The following SMAD1 variants were observed in gnomAD, a reference collection of about 807,000 sequenced individuals.
SMAD1 encodes the protein SMAD family member 1, also known as MAD, mothers against decapentaplegic homolog 1.
Under a neutral mutation model 41.6 loss-of-function variants are expected in SMAD1, and 6 were observed. That is an observed-to-expected ratio of 0.14 (90% CI 0.08 to 0.28). The LOEUF is 0.28. Among genes scored for constraint, SMAD1 ranks in the 10% least tolerant of loss-of-function variants. The pLI, the probability that SMAD1 is intolerant of heterozygous loss-of-function variation, is 1.00. For missense variants in SMAD1, 379 were observed against 582.6 expected (o/e 0.65, Z 3.60); for synonymous variants, 206 against 203.2 (o/e 1.01, Z -0.12).
At position 145,514,703 on chromosome 4, in the gene SMAD1, A is replaced by G. The variant is rs1730274465; in HGVS notation, c.90A>G (p.Ala30=). 6.2e-7 allele frequency: 1 copy of G among 1,614,176 alleles called. No individual in the cohort carries two copies. The highest frequency in any genetic ancestry group is 8.5e-7 in the Non-Finnish European group (1 of 1,180,018). ...WKQGDEEEKW[A]EKAVDALVKK... is the part of the protein sequence containing the mutation. ...AGGGCGATGAAGAAGAAAAATGGGC[A>G]GAGAAAGCTGTTGATGCTTTGGTGA... Residue 30 remains alanine, a synonymous_variant, in exon 2 of 7, where the codon GCA becomes GCG. Coordinates refer to ENST00000302085, the MANE Select transcript of SMAD1 (RefSeq NM_005900.3). The surrounding 1 kb of genome is among the most constrained non-coding windows in gnomAD (Gnocchi z 4.7).
chr4:145,498,490 G>C (rs1217679526), intron 1 of SMAD1, among the ~76,000 whole-genome samples: 2 of 152,036 alleles, frequency 1.3e-5, no homozygotes, highest in African/African-American at 2.4e-5. Context: ...CTTACCTACT[G>C]TCAGTTTTTA....
chr4:145,522,568 C>T (rs1323069772), intron 2 of SMAD1, among the ~76,000 whole-genome samples: 1 of 152,102 alleles, frequency 6.6e-6, no homozygotes, highest in Non-Finnish European at 1.5e-5. Flanking sequence ...CATTGCACTT[C>T]AGCCTGGGCA....
intron 4 of SMAD1, among the ~76,000 whole-genome samples, chr4:145,543,197 C>T (rs1732051649): frequency 6.6e-5 from 10 of 152,172 alleles, no homozygotes; most frequent in Admixed American, 6.5e-4. Context: ...GAATTCCTGA[C>T]CTCAGGTGAT....
Position 145,523,636 on chromosome 4 carries a change from G to A in SMAD1, c.400+8623G>A, listed in dbSNP as rs369058966. On this transcript the variant is annotated intron_variant, in intron 2 of 6. Coordinates refer to ENST00000302085, the MANE Select transcript of SMAD1 (RefSeq NM_005900.3). Reference sequence around the variant, plus strand: ...TGTAATCCTAGTTTGCATGTTTCTCGTAATAGTTTTGGTGTAGGGGAGAGG... The same window carrying A: ...TGTAATCCTAGTTTGCATGTTTCTCATAATAGTTTTGGTGTAGGGGAGAGG... Among the ~76,000 whole-genome samples the A allele has an allele frequency of 2.6e-4, 40 of 152,186 alleles. 1 individual carries two copies. Among genetic ancestry groups the A allele is most frequent in the Middle Eastern group, 6.8e-3 (2 of 294 alleles).
intron 1 of SMAD1, among the ~76,000 whole-genome samples, chr4:145,510,923 A>G (rs967766836): frequency 1.3e-5 from 2 of 152,194 alleles, no homozygotes; most frequent in Admixed American, 1.3e-4. Flanking sequence ...GGCTCAACTC[A>G]TCACTATAAA....
At position 145,514,515 on chromosome 4, in the gene SMAD1, A is replaced by G. The variant is rs1379292927; in HGVS notation, c.-99A>G. ...TGGACTTCAAACTAAGAAGTTAAAG[A>G]GACTTCTCTGTAAATAAACAAATCT... On this transcript the variant is annotated 5_prime_UTR_variant, in exon 2 of 7. Coordinates refer to ENST00000302085, the MANE Select transcript of SMAD1 (RefSeq NM_005900.3). The surrounding 1 kb of genome is among the most constrained non-coding windows in gnomAD (Gnocchi z 4.7). 1 of 1,178,854 alleles carries G rather than the reference A, an allele frequency of 8.5e-7. No homozygotes were observed. 73.0% of individuals were successfully genotyped at this position (1,178,854 alleles called of 1,614,324 possible). A position where few individuals can be genotyped will look rare whatever the true frequency, so the allele number is the denominator to read the frequency against.
rs1728211893 is a variant in SMAD1, at chr4:145,482,131, G to A, written c.-177+93G>A. On this transcript the variant is annotated intron_variant, in intron 1 of 6. Coordinates refer to ENST00000302085, the MANE Select transcript of SMAD1 (RefSeq NM_005900.3). This position sits in a 1 kb window ranked among gnomAD's most constrained non-coding sequence, Gnocchi z 4.2. Reference sequence around the variant, plus strand: ...CGGGCTTTCCAGCGCCGCCGCCGCCGTCTCTGCACGCGTGGGGCCGCCGCG... The same window carrying A: ...CGGGCTTTCCAGCGCCGCCGCCGCCATCTCTGCACGCGTGGGGCCGCCGCG... 6.7e-6 allele frequency: 1 copy of A among 149,512 alleles called. No homozygotes were observed. The highest frequency in any genetic ancestry group is 1.5e-5 in the Non-Finnish European group (1 of 67,122). The allele number at this position is 149,512 out of a possible 1,614,324, so 9.3% of individuals were successfully genotyped here.
chr4:145,486,945 T>TATCC (rs1298174361), intron 1 of SMAD1, among the ~76,000 whole-genome samples: 1 of 152,188 alleles, frequency 6.6e-6, no homozygotes, highest in Non-Finnish European at 1.5e-5. Context: ...GGTGTAAGCA[T>TATCC]ATCCAGTGTA....
chr4:145,493,079 C>T (rs1030624151), intron 1 of SMAD1, among the ~76,000 whole-genome samples: 2 of 152,190 alleles, frequency 1.3e-5, no homozygotes, highest in Admixed American at 1.3e-4. Flanking sequence ...TTAAATCTCA[C>T]CTTCAGGCTC....
intron 1 of SMAD1, among the ~76,000 whole-genome samples, chr4:145,488,044 T>C (rs1560719648): frequency 6.6e-6 from 1 of 152,184 alleles, no homozygotes; most frequent in South Asian, 2.1e-4. Flanking sequence ...AGCATTAAAT[T>C]CTCTAAGGTG....
At chr4:145,495,199 A>G (rs1729001266) in intron 1 of SMAD1, among the ~76,000 whole-genome samples, 1 of 152,130 alleles carries the variant, frequency 6.6e-6, no homozygotes, top group Non-Finnish European at 1.5e-5. Flanking sequence ...TGTAATGCTA[A>G]AGTTGAGGAA....
intron 2 of SMAD1, 141 bp downstream of exon 2, chr4:145,515,154 G>GTT: frequency 1.4e-6 from 1 of 700,172 alleles, no homozygotes; most frequent in Non-Finnish European, 2.3e-6. Context: ...GTGTGTGTGT[G>GTT]TGTGTGTGTG....
In SMAD1 at chr4:145,514,381, TAATA is replaced by T; in HGVS notation, c.-176-53_-176-50del. On this transcript the variant is annotated intron_variant, in intron 1 of 6. Coordinates refer to ENST00000302085, the MANE Select transcript of SMAD1 (RefSeq NM_005900.3). The surrounding 1 kb of genome is among the most constrained non-coding windows in gnomAD (Gnocchi z 4.7). Reference sequence around the variant, plus strand: ...TAGTACCTAGCACATGGTGATTACTTAATAAATGTGGTTGTATGGTAAAGATGAT... The same window carrying T: ...TAGTACCTAGCACATGGTGATTACTTAATGTGGTTGTATGGTAAAGATGAT... 1 of 464,518 alleles carries T rather than the reference TAATA, an allele frequency of 2.2e-6. No individual in the cohort carries two copies. The highest frequency in any genetic ancestry group is 3.8e-6 in the Non-Finnish European group (1 of 265,384). The allele number at this position is 464,518 out of a possible 1,614,324, so 28.8% of individuals were successfully genotyped here. A position where few individuals can be genotyped will look rare whatever the true frequency, so the allele number is the denominator to read the frequency against.
chr4:145,550,558 C>T (rs1183452372), intron 5 of SMAD1, among the ~76,000 whole-genome samples: 1 of 152,066 alleles, frequency 6.6e-6, no homozygotes, highest in Non-Finnish European at 1.5e-5. Context: ...TAAATAAATA[C>T]AGACATACAT....
intron 2 of SMAD1, among the ~76,000 whole-genome samples, chr4:145,525,988 A>G (rs1419227080): frequency 6.6e-6 from 1 of 152,232 alleles, no homozygotes; most frequent in Non-Finnish European, 1.5e-5. Flanking sequence ...TCAGGTTTAT[A>G]TTCTGCTATA....
chr4:145,494,887 C>CT (rs964447698), intron 1 of SMAD1, among the ~76,000 whole-genome samples: 4 of 152,116 alleles, frequency 2.6e-5, no homozygotes, highest in Non-Finnish European at 5.9e-5. Context: ...TTTGCTTCCC[C>CT]TTTTTTTCAT....
rs1391038628 is a variant in SMAD1, at chr4:145,489,557, T to C, written c.-177+7519T>C. ...TAATGAGAAAGAGATGTCGGAGATA[T>C]ATCCTTAAGTTTCTAAACTTGGTGG... is the stretch of plus-strand genomic sequence containing the variant. On this transcript the variant is annotated intron_variant, in intron 1 of 6. Transcript: ENST00000302085. 2.0e-5 allele frequency among the ~76,000 whole-genome samples: 3 copies of C among 152,238 alleles called. No individual in the cohort carries two copies. The East Asian group carries it at 5.8e-4, about 29-fold the overall frequency.
chr4:145,529,900 G>A (rs1289141932), intron 2 of SMAD1, among the ~76,000 whole-genome samples: 1 of 152,176 alleles, frequency 6.6e-6, no homozygotes, highest in African/African-American at 2.4e-5. Context: ...TTATATCTGG[G>A]ATGAGGTATA....
At chr4:145,517,464 C>G (rs919126693) in intron 2 of SMAD1, among the ~76,000 whole-genome samples, 4 of 152,064 alleles carry the variant, frequency 2.6e-5, no homozygotes, top group Admixed American at 1.3e-4. Context: ...CCATAGCAAC[C>G]TGAATTTCTT....
Sources: gnomAD v4.1 joint callset for allele counts (sites outside exome capture counted in the v4.1 genomes callset) on GRCh38, gnomAD v4.1.1 for gene constraint, Gnocchi (gnomAD v3.1) non-coding constraint, MANE v1.5 for transcripts, NCBI Gene and HGNC (gene_info 2026-07-23, HGNC 2026-07-21) for gene names.